PTPRN2: variants seen among roughly 807,000 people sequenced by gnomAD.
The protein encoded by PTPRN2 is protein tyrosine phosphatase receptor type N2, also known as receptor-type tyrosine-protein phosphatase N2.
Under a neutral mutation model 118.8 loss-of-function variants are expected in PTPRN2, and 74 were observed. That is an observed-to-expected ratio of 0.62 (90% CI 0.52 to 0.76). The LOEUF (loss-of-function observed/expected upper bound fraction) is 0.76, where lower values mean the gene tolerates loss of function less well. Ranked by LOEUF, PTPRN2 falls within the 30% of genes least tolerant of loss-of-function variation. The pLI is 0.00. For missense variants in PTPRN2, 1,481 were observed against 1,394.4 expected (o/e 1.06, Z -0.99); for synonymous variants, 641 against 608.0 (o/e 1.05, Z -0.80).
chr7:157,864,097 G>C (rs1184807034), intron 12 of PTPRN2: 1 of 152,290 alleles, frequency 6.6e-6, no homozygotes, highest in African/African-American at 2.4e-5. Flanking sequence ...ACGTGGTTTT[G>C]ATCCAAAAGC....
intron 2 of PTPRN2, among the ~76,000 whole-genome samples, chr7:158,441,845 G>A (rs1817308581): frequency 7.5e-6 from 1 of 133,730 alleles, no homozygotes. Context: ...GGCAGTGGTG[G>A]TGATGGTGAT....
intron 3 of PTPRN2, among the ~76,000 whole-genome samples, chr7:158,246,664 A>G (rs192098737): frequency 3.5e-4 from 53 of 152,078 alleles, no homozygotes; most frequent in Admixed American, 2.4e-3. Context: ...AACCAAAAGC[A>G]TATGGTTTTA....
At chr7:158,587,532 C>A in intron 1 of PTPRN2, 26 bp downstream of exon 1, 1 of 1,256,076 alleles carries the variant, frequency 8.0e-7, no homozygotes. Context: ...CATTGAGGCG[C>A]CCCTCCCCCG....
At chr7:158,470,661 C>T (rs1034904563) in intron 2 of PTPRN2, among the ~76,000 whole-genome samples, 3 of 152,160 alleles carry the variant, frequency 2.0e-5, no homozygotes, top group African/African-American at 7.2e-5. Context: ...CTCTACTGCA[C>T]TTGACCAGTC....
intron 8 of PTPRN2, among the ~76,000 whole-genome samples, chr7:158,135,671 T>C (rs1818744787): frequency 6.6e-6 from 1 of 152,052 alleles, no homozygotes; most frequent in East Asian, 1.9e-4. Context: ...TCTCCCCGAC[T>C]CCCTAAATTA....
chr7:157,667,544 AC>A, intron 13 of PTPRN2, among the ~76,000 whole-genome samples: 1 of 152,322 alleles, frequency 6.6e-6, no homozygotes, highest in South Asian at 2.1e-4. Context: ...AGGAGGCCAG[AC>A]CCCCAGGGCT....
At chr7:157,965,949 C>T (rs76728758) in intron 11 of PTPRN2, among the ~76,000 whole-genome samples, 12,722 of 152,234 alleles carry the variant, frequency 0.084, 607 homozygotes, top group South Asian at 0.18. Flanking sequence ...CTTTGACCAG[C>T]ACCGTGGAAT....
chr7:157,954,400 T>C (rs1351224864), intron 11 of PTPRN2, among the ~76,000 whole-genome samples: 6 of 150,492 alleles, frequency 4.0e-5, no homozygotes, highest in Non-Finnish European at 7.4e-5. Flanking sequence ...GGGTGGTGCC[T>C]GTGTACTGTG....
At chr7:158,253,967 T>TGCC (rs1796863514) in intron 3 of PTPRN2, among the ~76,000 whole-genome samples, 2 of 22,434 alleles carry the variant, frequency 8.9e-5, no homozygotes. Flanking sequence ...ACAGAGCCAC[T>TGCC]GCCCACGGCA....
At chr7:157,642,835 AAAAAAAAAAG>A (rs1177451802) in intron 14 of PTPRN2, among the ~76,000 whole-genome samples, 12 of 145,886 alleles carry the variant, frequency 8.2e-5, no homozygotes, top group Admixed American at 4.7e-4. Context: ...AAAAAAAAAA[AAAAAAAAAAG>A]CAGCTAAAAC....
chr7:157,730,010 G>A (rs191698862), intron 12 of PTPRN2, among the ~76,000 whole-genome samples: 1 of 152,330 alleles, frequency 6.6e-6, no homozygotes, highest in East Asian at 1.9e-4. Flanking sequence ...CATTGTGCTC[G>A]AGGGTCACTT....
At chr7:157,925,417 A>G (rs965484598) in intron 11 of PTPRN2, among the ~76,000 whole-genome samples, 1 of 152,234 alleles carries the variant, frequency 6.6e-6, no homozygotes, top group African/African-American at 2.4e-5. Context: ...ATCTTCCAGA[A>G]TCCCCAAAAT....
intron 3 of PTPRN2, among the ~76,000 whole-genome samples, chr7:158,235,837 C>A (rs1829496395): frequency 6.6e-6 from 1 of 152,162 alleles, no homozygotes; most frequent in African/African-American, 2.4e-5. Flanking sequence ...ATTAAATTAT[C>A]ACATGTACCC....
intron 12 of PTPRN2, among the ~76,000 whole-genome samples, chr7:157,772,821 C>G (rs1257677125): frequency 7.9e-5 from 12 of 152,252 alleles, no homozygotes; most frequent in Admixed American, 7.8e-4. Context: ...TCTCTGGCCT[C>G]TGCGCCCCAG....
chr7:158,335,036 T>A (rs2151185195), intron 2 of PTPRN2, among the ~76,000 whole-genome samples: 2 of 10,104 alleles, frequency 2.0e-4, no homozygotes, highest in Non-Finnish European at 6.6e-4. Flanking sequence ...CCCGCAGACG[T>A]CACTCACATC....
In PTPRN2 at chr7:158,574,608, A is replaced by T. The variant is rs1421234873; in HGVS notation, c.112+12950T>A. Among the ~76,000 whole-genome samples, 1 of 152,218 alleles carries T rather than the reference A, an allele frequency of 6.6e-6. No homozygotes were observed. The highest frequency in any genetic ancestry group is 1.5e-5 in the Non-Finnish European group (1 of 68,030). ...AGATGTGGGGCAGCTCTGGCAGAAG[A>T]GTGATAGGATCAGATTTTCAGTTGT... is the stretch of plus-strand genomic sequence containing the variant. On this transcript the variant is annotated intron_variant, in intron 1 of 22. Transcript: ENST00000389418. The surrounding 1 kb of genome is among the most constrained non-coding windows in gnomAD (Gnocchi z 4.6).
intron 6 of PTPRN2, among the ~76,000 whole-genome samples, chr7:158,164,281 G>A (rs537970259): frequency 1.3e-5 from 2 of 151,950 alleles, no homozygotes; most frequent in African/African-American, 4.8e-5. Context: ...GAGCAAGAGC[G>A]CGTGCGTAGG....
chr7:158,428,255 CATG>C (rs145746372), intron 2 of PTPRN2, among the ~76,000 whole-genome samples: 2,611 of 152,264 alleles, frequency 0.017, 63 homozygotes, highest in African/African-American at 0.059. Flanking sequence ...AGTAATAAAA[CATG>C]AGGTGGTGAA....
rs189848391 is a variant in PTPRN2 at position 157,935,990 on chromosome 7, G to T, written c.1724-37253C>A. ...CTCAGCATCTGTGTCGCTCCCTCAG[G>T]GGGGGTTTAGACATCTTCAGCATCT... On this transcript the variant is annotated intron_variant, in intron 11 of 22. Transcript: ENST00000389418. Among the ~76,000 whole-genome samples the T allele has an allele frequency of 9.6e-4, 144 of 149,910 alleles. 1 individual carries two copies. Among genetic ancestry groups the T allele is most frequent in the African/African-American group, 3.2e-3 (130 of 40,690 alleles).
Sources: gnomAD v4.1 joint callset for allele counts (sites outside exome capture counted in the v4.1 genomes callset) on GRCh38, gnomAD v4.1.1 for gene constraint, Gnocchi (gnomAD v3.1) non-coding constraint, MANE v1.5 for transcripts, NCBI Gene and HGNC (gene_info 2026-07-23, HGNC 2026-07-21) for gene names.